KCNQ3: variants seen among roughly 807,000 people sequenced by gnomAD.
KCNQ3 encodes the protein potassium voltage-gated channel subfamily Q member 3.
A neutral mutation model predicts 92.5 loss-of-function variants in KCNQ3; 30 were observed. That is an observed-to-expected ratio of 0.32 (90% CI 0.24 to 0.44). The LOEUF (loss-of-function observed/expected upper bound fraction) is 0.44. KCNQ3 is among the 20% of genes least tolerant of loss of function. The pLI, the probability that KCNQ3 is intolerant of heterozygous loss-of-function variation, is 1.00. For missense variants in KCNQ3, 913 were observed against 1,140.3 expected (o/e 0.80, Z 2.87); for synonymous variants, 450 against 468.8 (o/e 0.96, Z 0.52).
In KCNQ3 at chr8:132,380,090, A is replaced by T. The variant is rs76140828; in HGVS notation, c.386+100057T>A. Among the ~76,000 whole-genome samples the T allele has an allele frequency of 9.2e-5, 14 of 152,340 alleles. No homozygotes were observed. The East Asian group carries it at 2.7e-3, about 29-fold the overall frequency. On this transcript the variant is annotated intron_variant, in intron 1 of 14. Coordinates refer to ENST00000388996, the MANE Select transcript of KCNQ3 (RefSeq NM_004519.4). ...ATTGAATACCTATTGTGTGCTAAGC[A>T]TTGGCCTGGGTATGAGAAAATATTA...
At chr8:132,154,608 C>T (rs929251472) in intron 9 of KCNQ3, among the ~76,000 whole-genome samples, 2 of 152,084 alleles carry the variant, frequency 1.3e-5, no homozygotes, top group African/African-American at 4.8e-5. Context: ...AATCCCCAAC[C>T]AGCCTGTGCA....
intron 1 of KCNQ3, among the ~76,000 whole-genome samples, chr8:132,318,899 T>C (rs1468770464): frequency 1.3e-5 from 2 of 152,146 alleles, no homozygotes; most frequent in Non-Finnish European, 2.9e-5. Context: ...GTACCTTGAA[T>C]TGGCTAGAGA....
chr8:132,369,129 TG>T (rs1054020170), intron 1 of KCNQ3, among the ~76,000 whole-genome samples: 5 of 152,178 alleles, frequency 3.3e-5, no homozygotes, highest in Non-Finnish European at 7.3e-5. Context: ...TTATGGGTTT[TG>T]GGGAGGTAAA....
At chr8:132,383,112 C>T (rs535649566) in intron 1 of KCNQ3, among the ~76,000 whole-genome samples, 21 of 152,244 alleles carry the variant, frequency 1.4e-4, no homozygotes, top group Admixed American at 2.6e-4. Flanking sequence ...GCTGAAAATG[C>T]CCCACACCCA....
rs2130156583 is a variant in KCNQ3, at chr8:132,180,210, G to A, written c.724C>T (p.Arg242Trp). The change falls in exon 4 of 15, where the codon CGG becomes TGG. Residue 242 changes from arginine (R) to tryptophan (W), a missense_variant. Coordinates refer to ENST00000388996, the MANE Select transcript of KCNQ3 (RefSeq NM_004519.4). ...LQILRMLRMD[R>W]RGGTWKLLGS... ...AGAAGCTTCCAGGTGCCACCTCTCC[G>A]GTCCATCCGCAGCATGCGCAGGATC... is the stretch of plus-strand genomic sequence containing the variant. The A allele has an allele frequency of 6.2e-7, 1 of 1,614,184 alleles. No homozygotes were observed. The highest frequency in any genetic ancestry group is 8.5e-7 in the Non-Finnish European group (1 of 1,180,042).
In KCNQ3 at chr8:132,182,011, C is replaced by G. The variant is rs372369156; in HGVS notation, c.605-1682G>C. On this transcript the variant is annotated intron_variant, in intron 3 of 14. Coordinates refer to ENST00000388996, the MANE Select transcript of KCNQ3 (RefSeq NM_004519.4). ...AGTGAGCCGAGATCGTGCCACTGCA[C>G]TCCAGCCTGGGCGACAAGAGCGAGA... Among the ~76,000 whole-genome samples the G allele has an allele frequency of 2.3e-4, 34 of 150,686 alleles. No homozygotes were observed. In the South Asian group the frequency reaches 7.0e-3, roughly 31 times the overall value.
chr8:132,365,820 A>G (rs1819305746), intron 1 of KCNQ3, among the ~76,000 whole-genome samples: 1 of 152,168 alleles, frequency 6.6e-6, no homozygotes, highest in African/African-American at 2.4e-5. Flanking sequence ...GCTTGAGGCC[A>G]GGAGTTTGAG....
At chr8:132,301,985 AC>A (rs1257676881) in intron 1 of KCNQ3, among the ~76,000 whole-genome samples, 1 of 152,198 alleles carries the variant, frequency 6.6e-6, no homozygotes, top group African/African-American at 2.4e-5. Flanking sequence ...CAAAGGAAGG[AC>A]AAATGCCTGG....
chr8:132,428,965 C>T (rs1050781031), intron 1 of KCNQ3, among the ~76,000 whole-genome samples: 32 of 152,154 alleles, frequency 2.1e-4, no homozygotes, highest in African/African-American at 1.2e-4. Flanking sequence ...TAAGCAGGAA[C>T]GACACAATGA....
At chr8:132,338,903 C>T (rs183217408) in intron 1 of KCNQ3, among the ~76,000 whole-genome samples, 55 of 152,286 alleles carry the variant, frequency 3.6e-4, no homozygotes, top group Admixed American at 2.9e-3. Flanking sequence ...GCTTGTACAA[C>T]GTGGGTCAGG....
At position 132,121,759 on chromosome 8, in the gene KCNQ3, G is replaced by C. The variant is rs1426025351; in HGVS notation, c.*7503C>G. Reference sequence around the variant, plus strand: ...AAAGACCAGAGTCAGCAGAGACGTGGAGATATTTGAACTTGTTTGGTTAAA... The same window carrying C: ...AAAGACCAGAGTCAGCAGAGACGTGCAGATATTTGAACTTGTTTGGTTAAA... On this transcript the variant is annotated 3_prime_UTR_variant, in exon 15 of 15. Coordinates refer to ENST00000388996, the MANE Select transcript of KCNQ3 (RefSeq NM_004519.4). 1 of 152,176 alleles carries C rather than the reference G, an allele frequency of 6.6e-6. No homozygotes were observed. Among genetic ancestry groups the C allele is most frequent in the African/African-American group, 2.4e-5 (1 of 41,430 alleles). The allele number at this position is 152,176 out of a possible 1,614,324, so 9.4% of individuals were successfully genotyped here. A position where few individuals can be genotyped will look rare whatever the true frequency, so the allele number is the denominator to read the frequency against.
intron 12 of KCNQ3, 72 bp from the exon 13 acceptor site, chr8:132,134,460 T>TTCTC (rs1170206183): frequency 7.4e-6 from 8 of 1,082,878 alleles, no homozygotes; most frequent in Non-Finnish European, 8.5e-6. Context: ...AATCATTCTA[T>TTCTC]TCTCTCTAGA....
At chr8:132,189,844 C>A (rs1266105928) in intron 1 of KCNQ3, among the ~76,000 whole-genome samples, 1 of 96,456 alleles carries the variant, frequency 1.0e-5, no homozygotes, top group African/African-American at 4.5e-5. Flanking sequence ...AAAAAGTTAT[C>A]CAAAAATTAG....
chr8:132,246,936 A>T (rs1221242001), intron 1 of KCNQ3, among the ~76,000 whole-genome samples: 1 of 152,230 alleles, frequency 6.6e-6, no homozygotes, highest in Non-Finnish European at 1.5e-5. Flanking sequence ...CCCCATCATA[A>T]AGTTCATGTA....
chr8:132,138,587 A>G (rs1304586853), intron 11 of KCNQ3, among the ~76,000 whole-genome samples: 1 of 152,176 alleles, frequency 6.6e-6, no homozygotes, highest in Non-Finnish European at 1.5e-5. Context: ...CAGGTTCCTT[A>G]TAAAGTGGGG....
At chr8:132,467,622 A>G (rs534676487) in intron 1 of KCNQ3, among the ~76,000 whole-genome samples, 2 of 152,160 alleles carry the variant, frequency 1.3e-5, no homozygotes, top group South Asian at 4.2e-4. Context: ...ACCTGCGTTT[A>G]CTCCTCCTAC....
chr8:132,424,587 T>C (rs1449996641), intron 1 of KCNQ3, among the ~76,000 whole-genome samples: 1 of 152,202 alleles, frequency 6.6e-6, no homozygotes, highest in Non-Finnish European at 1.5e-5. Context: ...TTGGGTGGTA[T>C]TCATTTCCTG....
intron 1 of KCNQ3, among the ~76,000 whole-genome samples, chr8:132,246,837 G>A (rs2130426084): frequency 6.6e-6 from 1 of 152,218 alleles, no homozygotes; most frequent in South Asian, 2.1e-4. Context: ...TGGACTATCA[G>A]CACCATGCAC....
intron 8 of KCNQ3, among the ~76,000 whole-genome samples, chr8:132,168,276 T>A (rs947095159): frequency 3.9e-5 from 6 of 152,114 alleles, no homozygotes; most frequent in Non-Finnish European, 5.9e-5. Flanking sequence ...CATAGATCCA[T>A]CCTCCACACT....
Sources: gnomAD v4.1 joint callset for allele counts (sites outside exome capture counted in the v4.1 genomes callset) on GRCh38, gnomAD v4.1.1 for gene constraint, MANE v1.5 for transcripts, NCBI Gene and HGNC (gene_info 2026-07-23, HGNC 2026-07-21) for gene names.